The following BBS2 variants were observed in gnomAD, a reference collection of about 807,000 sequenced individuals.
The protein encoded by BBS2 is Bardet-Biedl syndrome 2.
Under a neutral mutation model 83.0 loss-of-function variants are expected in BBS2, and 62 were observed. The ratio of observed to expected loss-of-function variants is 0.75; its 90% CI spans 0.61 to 0.92. The LOEUF (loss-of-function observed/expected upper bound fraction) is 0.92. BBS2 is among the 40% of genes least tolerant of loss of function. The pLI is 0.00. For missense variants in BBS2, 784 were observed against 901.0 expected (o/e 0.87, Z 1.66); for synonymous variants, 303 against 326.1 (o/e 0.93, Z 0.76).
At chr16:56,475,439 G>T in intron 17 of BBS2, 1 of 1,411,354 alleles carries the variant, frequency 7.1e-7, no homozygotes, top group South Asian at 1.2e-5. Flanking sequence ...TGGGATCAGT[G>T]ATTTAAGTAG....
At chr16:56,481,409 A>G (rs567111446), downstream of BBS2, among the ~76,000 whole-genome samples, 1 of 152,264 alleles carries the variant, frequency 6.6e-6, no homozygotes, top group East Asian at 1.9e-4. Context: ...TAGACATGGG[A>G]GAGGAAAGGT....
downstream of BBS2, among the ~76,000 whole-genome samples, chr16:56,483,131 C>T (rs1963689358): frequency 6.6e-6 from 1 of 152,090 alleles, no homozygotes; most frequent in African/African-American, 2.4e-5. Flanking sequence ...CCTGTTGTTC[C>T]CAGCCTACAA....
chr16:56,504,236 T>C (rs1227150760), intron 7 of BBS2, among the ~76,000 whole-genome samples: 2 of 152,236 alleles, frequency 1.3e-5, no homozygotes, highest in African/African-American at 4.8e-5. Context: ...AGCACATTAA[T>C]GTAGCCCTCT....
At chr16:56,513,028 T>A (rs1964622688) in intron 2 of BBS2, among the ~76,000 whole-genome samples, 1 of 152,142 alleles carries the variant, frequency 6.6e-6, no homozygotes, top group South Asian at 2.1e-4. Flanking sequence ...AGTACACACC[T>A]GTAGTCCCAG....
chr16:56,497,151 CTATT>C (rs1186556999), intron 14 of BBS2, 72 bp from the exon 15 acceptor site: 39 of 991,526 alleles, frequency 3.9e-5, no homozygotes, highest in Non-Finnish European at 6.0e-5. Context: ...TGAAAAGACA[CTATT>C]TACCAGATAC....
chr16:56,515,675 G>C (rs1274195572), intron 1 of BBS2, among the ~76,000 whole-genome samples: 2 of 152,086 alleles, frequency 1.3e-5, no homozygotes, highest in African/African-American at 2.4e-5. Flanking sequence ...CCTACCCAAG[G>C]CAGCCTATTC....
Position 56,502,516 on chromosome 16 carries a change from T to G in BBS2, c.941-60A>C, listed in dbSNP as rs576979287. On this transcript the variant is annotated intron_variant, in intron 8 of 16. Coordinates refer to ENST00000245157, the MANE Select transcript of BBS2 (RefSeq NM_031885.5). ...GTATACTTTTAGGTCATCAATTACC[T>G]GCTCTTAAAAACAAAAACCTAAGTT... 1.4e-4 allele frequency: 232 copies of G among 1,613,268 alleles called. No individual in the cohort carries two copies. The East Asian group carries it at 4.3e-3, about 30-fold the overall frequency.
intron 3 of BBS2, 28 bp from the exon 4 acceptor site, chr16:56,510,949 A>G: frequency 6.2e-7 from 1 of 1,612,328 alleles, no homozygotes; most frequent in South Asian, 1.1e-5. Context: ...AACCATTAGC[A>G]TGCCATCGTT....
chr16:56,498,637 C>G, intron 12 of BBS2, 69 bp from the exon 13 acceptor site: 2 of 1,604,796 alleles, frequency 1.2e-6, no homozygotes, highest in South Asian at 2.2e-5. Flanking sequence ...TAATGTGCCT[C>G]TAGATATGAA....
chr16:56,519,346 AAAAG>A (rs1367040533), intron 1 of BBS2, among the ~76,000 whole-genome samples: 1 of 151,674 alleles, frequency 6.6e-6, no homozygotes, highest in African/African-American at 2.4e-5. Flanking sequence ...AAAAAAAAAA[AAAAG>A]GAAGAAGAAG....
chr16:56,480,202 C>T (rs147130660), downstream of BBS2, among the ~76,000 whole-genome samples: 806 of 151,918 alleles, frequency 5.3e-3, 3 homozygotes, highest in Middle Eastern at 0.017. Flanking sequence ...ATTTTAAAGT[C>T]CACATCTTTA....
At chr16:56,507,391 CT>C (rs1261143267) in intron 5 of BBS2, among the ~76,000 whole-genome samples, 1 of 152,150 alleles carries the variant, frequency 6.6e-6, no homozygotes, top group African/African-American at 2.4e-5. Flanking sequence ...GTCCTCTTTT[CT>C]AGGATTTAGG....
chr16:56,501,980 A>G (rs542264018), intron 9 of BBS2: 11 of 401,414 alleles, frequency 2.7e-5, no homozygotes, highest in Admixed American at 7.4e-5. Context: ...ATATCCTTCC[A>G]TATCAGTCCA....
intron 2 of BBS2, among the ~76,000 whole-genome samples, chr16:56,512,268 T>G (rs569944249): frequency 5.9e-5 from 9 of 152,142 alleles, no homozygotes; most frequent in African/African-American, 9.7e-5. Context: ...ATACAACCAC[T>G]TTGCAAAAAC....
downstream of BBS2, among the ~76,000 whole-genome samples, chr16:56,480,644 A>C (rs1329340203): frequency 6.6e-6 from 1 of 151,870 alleles, no homozygotes; most frequent in Non-Finnish European, 1.5e-5. Flanking sequence ...ACCCGCCTTG[A>C]CCTCCCAAAG....
At chr16:56,481,522 T>C (rs1261990519), downstream of BBS2, among the ~76,000 whole-genome samples, 1 of 152,176 alleles carries the variant, frequency 6.6e-6, no homozygotes, top group Non-Finnish European at 1.5e-5. Flanking sequence ...AGAACCTGAA[T>C]TATGGTACTG....
chr16:56,518,006 AG>A (rs1243886964), intron 1 of BBS2, among the ~76,000 whole-genome samples: 1 of 152,012 alleles, frequency 6.6e-6, no homozygotes, highest in African/African-American at 2.4e-5. Context: ...TAGTAGAGAC[AG>A]GGTTTCACCA....
chr16:56,488,593 G>C (rs191520570), intron 15 of BBS2, among the ~76,000 whole-genome samples: 2 of 152,330 alleles, frequency 1.3e-5, no homozygotes, highest in Admixed American at 1.3e-4. Flanking sequence ...GAAACTCTGT[G>C]TGTTCAGATG....
At chr16:56,488,779 C>T (rs563856369) in intron 15 of BBS2, among the ~76,000 whole-genome samples, 16 of 152,246 alleles carry the variant, frequency 1.1e-4, no homozygotes, top group Admixed American at 7.8e-4. Context: ...CTGCCTTGGT[C>T]GTTCTGGTGA....
Sources: gnomAD v4.1 joint callset for allele counts (sites outside exome capture counted in the v4.1 genomes callset) on GRCh38, gnomAD v4.1.1 for gene constraint, MANE v1.5 for transcripts, NCBI Gene and HGNC (gene_info 2026-07-23, HGNC 2026-07-21) for gene names.